Variants in LBHD1 observed in about 807,000 individuals in gnomAD.
LBHD1 encodes LBH domain containing 1.
LBHD1 carries 28 observed loss-of-function variants against 31.1 expected under a neutral mutation model. That is an observed-to-expected ratio of 0.90 (90% CI 0.67 to 1.24). The LOEUF (loss-of-function observed/expected upper bound fraction) is 1.24. Among genes scored for constraint, LBHD1 ranks in the 50% most tolerant of loss-of-function variants. The pLI, the probability that LBHD1 is intolerant of heterozygous loss-of-function variation, is 0.00. For synonymous variants in LBHD1, 105 were observed against 116.5 expected, an observed-to-expected ratio of 0.90 and a Z score of 0.63; for missense variants, 350 against 323.0, an observed-to-expected ratio of 1.08 and a Z score of -0.64.
intron 1 of LBHD1, 86 bp downstream of exon 1, chr11:62,671,478 C>T (rs1944941225): frequency 3.0e-6 from 4 of 1,352,270 alleles, no homozygotes; most frequent in Non-Finnish European, 3.8e-6. Flanking sequence ...CCCTAGCAAT[C>T]CCACCCCGGA....
rs1039918327 is a variant in LBHD1 at position 62,665,301 on chromosome 11, G to A, written c.539-328C>T. On this transcript the variant is annotated intron_variant, in intron 4 of 6. Coordinates refer to ENST00000354588, the MANE Select transcript of LBHD1 (RefSeq NM_024099.5). Reference sequence around the variant, plus strand: ...TCGGGCTATATAAAGGAGCTCCGCGGTGCGGGAGGCCTTTCGGAGGGTGGT... The same window carrying A: ...TCGGGCTATATAAAGGAGCTCCGCGATGCGGGAGGCCTTTCGGAGGGTGGT... 9.8e-6 allele frequency: 7 copies of A among 712,644 alleles called. No homozygotes were observed. The East Asian group carries it at 1.1e-4, about 11-fold the overall frequency. 44.1% of individuals were successfully genotyped at this position (712,644 alleles called of 1,614,324 possible).
intron 4 of LBHD1, chr11:62,666,546 C>T (rs773682549): frequency 1.9e-6 from 3 of 1,614,076 alleles, no homozygotes; most frequent in African/African-American, 2.7e-5. Context: ...GAGGCACAGG[C>T]TGCCAGTCCT....
Position 62,671,981 on chromosome 11 carries a change from GGGAGGA to G in LBHD1, c.-434_-429del. 3.7e-6 allele frequency: 6 copies of G among 1,614,020 alleles called. No homozygotes were observed. The highest frequency in any genetic ancestry group is 5.1e-6 in the Non-Finnish European group (6 of 1,180,020). ...ATGCCACTGCAGGACCCAAGGAGCA[GGGAGGA>G]GGCGGCCAGGACCCAGCAGCTATTG... On this transcript the variant is annotated 5_prime_UTR_variant, in exon 1 of 7. Coordinates refer to ENST00000354588, the MANE Select transcript of LBHD1 (RefSeq NM_024099.5).
intron 4 of LBHD1, chr11:62,666,540 C>T (rs768240000): frequency 6.2e-7 from 1 of 1,614,158 alleles, no homozygotes; most frequent in South Asian, 1.1e-5. Context: ...CTGCAGGAGG[C>T]ACAGGCTGCC....
Position 62,671,684 on chromosome 11 carries a change from G to T in LBHD1, c.-131C>A, listed in dbSNP as rs576848204. ...CTGCGCCAAGGGGTAGTGAGACCGC[G>T]CGGCAACAGCTTGCGGCTGCGGGGA... On this transcript the variant is annotated 5_prime_UTR_variant, in exon 1 of 7. Coordinates refer to ENST00000354588, the MANE Select transcript of LBHD1 (RefSeq NM_024099.5). 1 of 1,597,780 alleles carries T rather than the reference G, an allele frequency of 6.3e-7. No homozygotes were observed. The highest frequency in any genetic ancestry group is 2.2e-5 in the East Asian group (1 of 44,676).
chr11:62,665,266 G>A (rs1357763554), intron 4 of LBHD1: 1 of 744,152 alleles, frequency 1.3e-6, no homozygotes, highest in Non-Finnish European at 2.3e-6. Flanking sequence ...CGCAACTCGG[G>A]GGCGGGTCCT....
At chr11:62,670,625 G>A (rs920068663) in intron 1 of LBHD1, 26 of 153,340 alleles carry the variant, frequency 1.7e-4, no homozygotes, top group African/African-American at 5.5e-4. Context: ...CAAAACAGCC[G>A]GGCGCGGTGG....
chr11:62,665,348 G>A (rs1443285839), intron 4 of LBHD1: 4 of 816,246 alleles, frequency 4.9e-6, no homozygotes, highest in South Asian at 1.6e-5. Flanking sequence ...TGTGGTTTTA[G>A]CTGTAGTAGC....
intron 5 of LBHD1, among the ~76,000 whole-genome samples, chr11:62,664,091 A>G (rs1218382942): frequency 6.6e-6 from 1 of 150,400 alleles, no homozygotes; most frequent in Non-Finnish European, 1.5e-5. Flanking sequence ...GGAAAAAAAA[A>G]AAAAAAAAAA....
rs776099710 is a variant in LBHD1 at position 62,671,705 on chromosome 11, G to A, written c.-152C>T. 3.1e-6 allele frequency: 5 copies of A among 1,606,732 alleles called. No individual in the cohort carries two copies. The Admixed American group carries it at 5.0e-5, about 16-fold the overall frequency. ...CCGCGCGGCAACAGCTTGCGGCTGC[G>A]GGGAGCTCCCGTGGGCGCTCCGCTG... On this transcript the variant is annotated 5_prime_UTR_variant, in exon 1 of 7. Coordinates refer to ENST00000354588, the MANE Select transcript of LBHD1 (RefSeq NM_024099.5).
intron 1 of LBHD1, 172 bp from the exon 2 acceptor site, chr11:62,670,213 T>G: frequency 1.5e-6 from 1 of 671,906 alleles, no homozygotes; most frequent in South Asian, 2.2e-5. Context: ...GGATCTTTAT[T>G]TCTACTTACT....
intron 3 of LBHD1, 38 bp downstream of exon 3, chr11:62,669,603 A>AGC (rs1254705092): frequency 6.3e-7 from 1 of 1,587,182 alleles, no homozygotes; most frequent in East Asian, 2.2e-5. Flanking sequence ...CAGAACATTC[A>AGC]GCTCACAGTG....
intron 4 of LBHD1, chr11:62,666,414 G>A (rs761223693): frequency 2.5e-6 from 4 of 1,610,650 alleles, no homozygotes; most frequent in Non-Finnish European, 3.4e-6. Context: ...GCTGATAGTT[G>A]CCTGGCGGAC....
At chr11:62,665,920 T>A (rs1944796163) in intron 4 of LBHD1, 4 of 1,613,028 alleles carry the variant, frequency 2.5e-6, no homozygotes. Flanking sequence ...CCGAGCCTGA[T>A]GATGGGGACG....
chr11:62,665,115 G>T, intron 4 of LBHD1, 142 bp from the exon 5 acceptor site: 1 of 1,266,488 alleles, frequency 7.9e-7, no homozygotes, highest in Non-Finnish European at 1.1e-6. Context: ...CAAAGTCGCG[G>T]CCCCCACACA....
In LBHD1 at chr11:62,664,836, G is replaced by GTC. The variant is rs1484435169; in HGVS notation, c.663+11_663+12dup. The GTC allele has an allele frequency of 1.9e-6, 3 of 1,559,192 alleles. No individual in the cohort carries two copies. The highest frequency in any genetic ancestry group is 2.6e-6 in the Non-Finnish European group (3 of 1,151,578). On this transcript the variant is annotated intron_variant, in intron 5 of 6. Coordinates refer to ENST00000354588, the MANE Select transcript of LBHD1 (RefSeq NM_024099.5). Reference sequence around the variant, plus strand: ...GGTGGGGACGACCAACAGGAAGAGGGTCTAGTACTTACGCCCGCTTCTTGA... The same window carrying GTC: ...GGTGGGGACGACCAACAGGAAGAGGGTCTCTAGTACTTACGCCCGCTTCTTGA...
chr11:62,666,866 C>T, intron 4 of LBHD1: 1 of 1,614,154 alleles, frequency 6.2e-7, no homozygotes, highest in Non-Finnish European at 8.5e-7. Context: ...GGCTTACCAG[C>T]TTCTATCAGA....
In LBHD1 at chr11:62,672,193, AG is replaced by A; in HGVS notation, c.-641del. ...GGCAGCCTTTCTCCTTCGTGGGCCC[AG>A]CGGAGAGTCCGGACCGAGATACCAT... is the stretch of plus-strand genomic sequence containing the variant. On this transcript the variant is annotated 5_prime_UTR_variant, in exon 1 of 7. An upstream open reading frame in the 5' UTR loses its in-frame stop. Coordinates refer to ENST00000354588, the MANE Select transcript of LBHD1 (RefSeq NM_024099.5). The A allele has an allele frequency of 7.0e-7, 1 of 1,419,082 alleles. No homozygotes were observed. Among genetic ancestry groups the A allele is most frequent in the Non-Finnish European group, 9.5e-7 (1 of 1,050,532 alleles). 87.9% of individuals were successfully genotyped at this position (1,419,082 alleles called of 1,614,324 possible).
rs1187687706 is a variant in LBHD1 at position 62,663,050 on chromosome 11, TTAGC to T, written c.*75_*78del. The T allele has an allele frequency of 6.3e-7, 1 of 1,575,940 alleles. No individual in the cohort carries two copies. Among genetic ancestry groups the T allele is most frequent in the Non-Finnish European group, 8.7e-7 (1 of 1,147,738 alleles). On this transcript the variant is annotated 3_prime_UTR_variant, in exon 7 of 7. Coordinates refer to ENST00000354588, the MANE Select transcript of LBHD1 (RefSeq NM_024099.5). Reference sequence around the variant, plus strand: ...TTGAGAATCTTCTAGTGGAAGAGGTTTAGCTCTCATCTTCAAGGTCCTTCATTTC... The same window carrying T: ...TTGAGAATCTTCTAGTGGAAGAGGTTTCTCATCTTCAAGGTCCTTCATTTC...
Sources: gnomAD v4.1 joint callset for allele counts (sites outside exome capture counted in the v4.1 genomes callset) on GRCh38, gnomAD v4.1.1 for gene constraint, MANE v1.5 for transcripts, NCBI Gene and HGNC (gene_info 2026-07-23, HGNC 2026-07-21) for gene names.